Variants in MAST4 observed in about 807,000 individuals in gnomAD.
The protein encoded by MAST4 is microtubule associated serine/threonine kinase family member 4.
Under a neutral mutation model 162.7 loss-of-function variants are expected in MAST4, and 89 were observed. The ratio of observed to expected loss-of-function variants is 0.55; its 90% confidence interval spans 0.46 to 0.65. The LOEUF (loss-of-function observed/expected upper bound fraction) is 0.65. MAST4 is among the 30% of genes least tolerant of loss of function. The probability of loss-of-function intolerance (pLI) is 0.00; values close to 1 mark genes in which losing one functional copy is unlikely to be tolerated. For missense variants in MAST4, 3,153 were observed against 3,374.0 expected, an observed-to-expected ratio of 0.93 and a Z score of 1.62; for synonymous variants, 1,479 against 1,361.1, an observed-to-expected ratio of 1.09 and a Z score of -1.91.
At chr5:67,098,078 G>A (rs1764650872) in intron 7 of MAST4, among the ~76,000 whole-genome samples, 1 of 152,018 alleles carries the variant, frequency 6.6e-6, no homozygotes, top group Non-Finnish European at 1.5e-5. Flanking sequence ...TACTTTAACT[G>A]TTTAAAAAAT....
Position 67,165,956 on chromosome 5 carries a change from A to G in MAST4, c.6777A>G (p.Lys2259=), listed in dbSNP as rs1407164771. 6.2e-7 allele frequency: 1 copy of G among 1,613,398 alleles called. No homozygotes were observed. Residue 2259 remains lysine (K), a synonymous_variant, in exon 29 of 29, where the codon AAA becomes AAG. Coordinates refer to ENST00000403625, the MANE Select transcript of MAST4 (RefSeq NM_001164664.2). ...CTGCTACCCCAGGCTCCCAGAACAA[A>G]GCCAGCGATGGGATTGGCCAGGGAG... ...VFPATPGSQN[K]ASDGIGQGEG...
At chr5:67,073,106 G>T (rs1581442172) in intron 5 of MAST4, among the ~76,000 whole-genome samples, 2 of 152,112 alleles carry the variant, frequency 1.3e-5, no homozygotes, top group South Asian at 4.1e-4. Flanking sequence ...AAGTATATTA[G>T]GTAGCTCACA....
At chr5:66,791,546 G>A (rs1364903362) in intron 3 of MAST4, among the ~76,000 whole-genome samples, 1 of 152,150 alleles carries the variant, frequency 6.6e-6, no homozygotes, top group African/African-American at 2.4e-5. Flanking sequence ...TTACCTGCAG[G>A]TTTTTATGTT....
intron 4 of MAST4, among the ~76,000 whole-genome samples, chr5:66,951,632 G>GTGTGTGTGTATGTA (rs1744702474): frequency 1.5e-5 from 2 of 133,586 alleles, no homozygotes; most frequent in African/African-American, 5.5e-5. Flanking sequence ...GTGTGTGTGT[G>GTGTGTGTGTATGTA]TGTGTGTGTG....
At chr5:67,128,745 A>G (rs899565397) in intron 14 of MAST4, among the ~76,000 whole-genome samples, 2 of 152,100 alleles carry the variant, frequency 1.3e-5, no homozygotes, top group African/African-American at 4.8e-5. Flanking sequence ...CCTTGCAGTC[A>G]TTGTTCAGGG....
At chr5:66,824,019 A>C (rs188228729) in intron 3 of MAST4, among the ~76,000 whole-genome samples, 1 of 152,182 alleles carries the variant, frequency 6.6e-6, no homozygotes, top group Non-Finnish European at 1.5e-5. Context: ...ACTGGCAGCT[A>C]TCTATGAATG....
chr5:67,132,775 TTGACTCA>T (rs935478860), intron 16 of MAST4, among the ~76,000 whole-genome samples: 11 of 152,114 alleles, frequency 7.2e-5, no homozygotes, highest in African/African-American at 2.4e-4. Flanking sequence ...TATGATAAAA[TTGACTCA>T]TGCTCATTCT....
At chr5:66,609,710 T>TTTTTTTTTGTTTTG (rs1354258083) in intron 1 of MAST4, among the ~76,000 whole-genome samples, 8 of 106,952 alleles carry the variant, frequency 7.5e-5, no homozygotes, top group Admixed American at 2.0e-4. Flanking sequence ...TTTTTGTTTT[T>TTTTTTTTTGTTTTG]TTTTTTTTGT....
Position 67,113,417 on chromosome 5 carries a change from A to G in MAST4, c.1459-670A>G, listed in dbSNP as rs570140496. On this transcript the variant is annotated intron_variant, in intron 11 of 28. Transcript: ENST00000403625. ...GTGATCCTGAAGATTTTTATTACAC[A>G]CTAGACGCAAGAGGCAGCCACATAC... is the stretch of plus-strand genomic sequence containing the variant. 2.6e-5 allele frequency among the ~76,000 whole-genome samples: 4 copies of G among 152,016 alleles called. No homozygotes were observed. The South Asian group carries it at 6.2e-4, about 24-fold the overall frequency.
chr5:66,757,907 T>C (rs936172667), intron 1 of MAST4, among the ~76,000 whole-genome samples: 1 of 152,198 alleles, frequency 6.6e-6, no homozygotes, highest in Non-Finnish European at 1.5e-5. Context: ...GATCTGACTC[T>C]AGATGAACTC....
intron 1 of MAST4, among the ~76,000 whole-genome samples, chr5:66,697,652 A>G (rs773027114): frequency 1.7e-4 from 26 of 152,220 alleles, no homozygotes; most frequent in Admixed American, 5.9e-4. Context: ...CTGGACACCC[A>G]AGAGATTTGC....
At chr5:67,096,056 A>G (rs139513433) in intron 7 of MAST4, among the ~76,000 whole-genome samples, 7 of 151,960 alleles carry the variant, frequency 4.6e-5, no homozygotes, top group Admixed American at 6.6e-5. Context: ...CTTTCTTCCT[A>G]TGTGGCTTAG....
chr5:67,165,650 C>G lies in MAST4; in HGVS notation c.6471C>G (p.His2157Gln). The G allele has an allele frequency of 6.2e-7, 1 of 1,607,328 alleles. No individual in the cohort carries two copies. The highest frequency in any genetic ancestry group is 8.5e-7 in the Non-Finnish European group (1 of 1,177,080). The change falls in exon 29 of 29, where the codon CAC (histidine) becomes CAG (glutamine). Residue 2157 changes from histidine to glutamine, a missense_variant. His to Gln is a conservative substitution (Grantham distance 24). Coordinates refer to ENST00000403625, the MANE Select transcript of MAST4 (RefSeq NM_001164664.2). ...AARQHCSSPS[H>Q]ASGREPGAKP... is the part of the protein sequence containing the mutation. Reference sequence around the variant, plus strand: ...GGCAGCATTGCAGTTCCCCAAGCCACGCTTCTGGCAGAGAGCCGGGGGCCA... The same window carrying G: ...GGCAGCATTGCAGTTCCCCAAGCCAGGCTTCTGGCAGAGAGCCGGGGGCCA...
At chr5:67,158,305 T>C (rs898080812) in intron 26 of MAST4, among the ~76,000 whole-genome samples, 8 of 152,346 alleles carry the variant, frequency 5.3e-5, no homozygotes, top group Non-Finnish European at 7.4e-5. Context: ...TATTTTGCGA[T>C]AGAAAACAAA....
At chr5:66,690,023 T>A (rs1411308936) in intron 1 of MAST4, among the ~76,000 whole-genome samples, 1 of 152,176 alleles carries the variant, frequency 6.6e-6, no homozygotes, top group Non-Finnish European at 1.5e-5. Context: ...ACAGCTGGAA[T>A]CCTTTCAGTT....
At chr5:66,697,344 A>G (rs1749473093) in intron 1 of MAST4, among the ~76,000 whole-genome samples, 1 of 152,228 alleles carries the variant, frequency 6.6e-6, no homozygotes, top group Non-Finnish European at 1.5e-5. Flanking sequence ...GCATGGATAA[A>G]AGATCCATTC....
chr5:67,019,229 G>T (rs1413516445), intron 4 of MAST4, among the ~76,000 whole-genome samples: 2 of 152,218 alleles, frequency 1.3e-5, no homozygotes, highest in African/African-American at 4.8e-5. Context: ...AGGCCGCTGT[G>T]CTAATTAATG....
At chr5:66,613,738 C>G (rs1327214704) in intron 1 of MAST4, among the ~76,000 whole-genome samples, 1 of 152,148 alleles carries the variant, frequency 6.6e-6, no homozygotes, top group Non-Finnish European at 1.5e-5. Context: ...AGGCCTCAAA[C>G]CTGTCAGGGT....
At chr5:66,768,640 A>G (rs1754218936) in intron 2 of MAST4, among the ~76,000 whole-genome samples, 1 of 152,064 alleles carries the variant, frequency 6.6e-6, no homozygotes, top group Admixed American at 6.5e-5. Context: ...GGAGGGGATG[A>G]GGTAGGAGGG....
Sources: gnomAD v4.1 joint callset for allele counts (sites outside exome capture counted in the v4.1 genomes callset) on GRCh38, gnomAD v4.1.1 for gene constraint, MANE v1.5 for transcripts, NCBI Gene and HGNC (gene_info 2026-07-23, HGNC 2026-07-21) for gene names.